The following GRIN2D variants were observed in gnomAD, a reference collection of about 807,000 sequenced individuals.
The protein encoded by GRIN2D is glutamate ionotropic receptor NMDA type subunit 2D.
A neutral mutation model predicts 103.2 loss-of-function variants in GRIN2D; 37 were observed. The ratio of observed to expected loss-of-function variants is 0.36; its 90% CI spans 0.28 to 0.47. GRIN2D has a LOEUF of 0.47. Ranked by LOEUF, GRIN2D falls within the 20% of genes least tolerant of loss-of-function variation. The pLI is 1.00. For synonymous variants in GRIN2D, 845 were observed against 885.6 expected, an observed-to-expected ratio of 0.95 and a Z score of 0.81; for missense variants, 1,557 against 1,910.6, an observed-to-expected ratio of 0.81 and a Z score of 3.45.
chr19:48,420,456 C>T (rs918189408), intron 10 of GRIN2D, among the ~76,000 whole-genome samples: 1 of 152,072 alleles, frequency 6.6e-6, no homozygotes, highest in African/African-American at 2.4e-5. Context: ...TAGTCCATTG[C>T]AGACAATGCT....
At chr19:48,419,866 C>A in intron 10 of GRIN2D, 52 bp downstream of exon 10, 1 of 1,121,304 alleles carries the variant, frequency 8.9e-7, no homozygotes, top group Non-Finnish European at 1.3e-6. Flanking sequence ...CTGGAGGTCA[C>A]AGAGCTTGTC....
intron 3 of GRIN2D, among the ~76,000 whole-genome samples, chr19:48,400,935 G>A (rs536178754): frequency 2.0e-5 from 3 of 151,932 alleles, no homozygotes; most frequent in African/African-American, 7.3e-5. Flanking sequence ...GCATGGTGGC[G>A]CATGCCTGTA....
At chr19:48,413,156 A>G (rs1482346620) in intron 4 of GRIN2D, among the ~76,000 whole-genome samples, 1 of 144,382 alleles carries the variant, frequency 6.9e-6, no homozygotes, top group Non-Finnish European at 1.5e-5. Context: ...AAACAAAAAC[A>G]AACAAAAAAA....
At position 48,443,839 on chromosome 19, in the gene GRIN2D, C is replaced by A; in HGVS notation, c.3913C>A (p.Pro1305Thr). ...RRCPHAAHWGPPLPTASHRRH... is the reference protein window; with the variant it reads ...RRCPHAAHWGTPLPTASHRRH... ...GTGTCCGCACGCCGCGCACTGGGGGCCGCCGCTGCCCACAGCTTCCCACCG... is the reference window on the plus strand; with the variant it reads ...GTGTCCGCACGCCGCGCACTGGGGGACGCCGCTGCCCACAGCTTCCCACCG... Residue 1305 changes from proline (P) to threonine (T), a missense_variant, in exon 14 of 14, where the codon CCG becomes ACG. Physicochemically the swap from Pro to Thr is conservative, Grantham distance 38. This residue lies in a region of GRIN2D where 88 missense variants were observed against 84.3 expected (regional missense o/e 1.04). Coordinates refer to ENST00000263269, the MANE Select transcript of GRIN2D (RefSeq NM_000836.4). The surrounding 1 kb of genome is among the most constrained non-coding windows in gnomAD (Gnocchi z 8.9). 1 of 1,484,450 alleles carries A rather than the reference C, an allele frequency of 6.7e-7. No homozygotes were observed. The highest frequency in any genetic ancestry group is 8.9e-7 in the Non-Finnish European group (1 of 1,125,622). 92.0% of individuals were successfully genotyped at this position (1,484,450 alleles called of 1,614,324 possible). A position where few individuals can be genotyped will look rare whatever the true frequency, so the allele number is the denominator to read the frequency against.
intron 11 of GRIN2D, among the ~76,000 whole-genome samples, chr19:48,428,454 G>A (rs4802476): frequency 0.12 from 18,422 of 148,840 alleles, 1,384 homozygotes; most frequent in Admixed American, 0.22. Flanking sequence ...TCCACCTCCC[G>A]GGTTCCAGTG....
At position 48,422,219 on chromosome 19, in the gene GRIN2D, T is replaced by C. The variant is rs974128849; in HGVS notation, c.2252+274T>C. On this transcript the variant is annotated intron_variant, in intron 11 of 13. Coordinates refer to ENST00000263269, the MANE Select transcript of GRIN2D (RefSeq NM_000836.4). ...CTTCCCCTTCTTGGCTTTGTGACCT[T>C]GGGCAAGTTACTCAGCCTCTCTGAA... Among the ~76,000 whole-genome samples, 7 of 152,314 alleles carry C rather than the reference T, an allele frequency of 4.6e-5. No homozygotes were observed. The South Asian group carries it at 6.2e-4, about 14-fold the overall frequency.
chr19:48,412,505 A>G (rs965753444), intron 4 of GRIN2D, among the ~76,000 whole-genome samples: 1 of 151,708 alleles, frequency 6.6e-6, no homozygotes, highest in Non-Finnish European at 1.5e-5. Context: ...GAGGCGGGCC[A>G]GGCCAGGCGC....
Position 48,419,781 on chromosome 19 carries a change from C to T in GRIN2D, c.2058C>T (p.Tyr686=). Residue 686 remains tyrosine (Y), a synonymous_variant, in exon 10 of 14, where the codon TAC becomes TAT. Transcript: ENST00000263269. ...CCGCCTTCATGATCCAGGAGGAGTA[C>T]GTGGATACTGTGTCTGGGCTCAGTG... is the stretch of plus-strand genomic sequence containing the variant. The part of the protein sequence containing the change: ...NLAAFMIQEE[Y]VDTVSGLSDR... The T allele has an allele frequency of 6.2e-7, 1 of 1,613,412 alleles. No individual in the cohort carries two copies. The highest frequency in any genetic ancestry group is 8.5e-7 in the Non-Finnish European group (1 of 1,179,834).
intron 7 of GRIN2D, among the ~76,000 whole-genome samples, chr19:48,415,554 T>A (rs1286461637): frequency 9.1e-6 from 1 of 109,312 alleles, no homozygotes; most frequent in Non-Finnish European, 1.9e-5. Flanking sequence ...GAGGCGGGGC[T>A]AGGAGGGTGG....
chr19:48,427,683 T>G (rs1032715076), intron 11 of GRIN2D, among the ~76,000 whole-genome samples: 14 of 151,854 alleles, frequency 9.2e-5, no homozygotes, highest in African/African-American at 3.4e-4. Flanking sequence ...TTCACCATCT[T>G]GGCCAGGTTG....
Position 48,419,324 on chromosome 19 carries a change from C to T in GRIN2D, c.1826C>T (p.Pro609Leu). 1.2e-6 allele frequency: 2 copies of T among 1,608,420 alleles called. No homozygotes were observed. The highest frequency in any genetic ancestry group is 1.7e-6 in the Non-Finnish European group (2 of 1,179,348). ...GTTTTCATCTTCGAGTACCTCAGTC[C>T]TGTTGGTTACAACCGCAGCCTGGCC... ...VTVFIFEYLSPVGYNRSLATG... is the reference protein window; with the variant it reads ...VTVFIFEYLSLVGYNRSLATG... The change falls in exon 9 of 14, where the codon CCT (proline) becomes CTT (leucine). Residue 609 changes from proline (P) to leucine (L), a missense_variant. By Grantham distance (98) the Pro-to-Leu change is moderately conservative (BLOSUM62 -3). This residue lies in a region of GRIN2D where 197 missense variants were observed against 334.1 expected (regional missense o/e 0.59). Coordinates refer to ENST00000263269, the MANE Select transcript of GRIN2D (RefSeq NM_000836.4).
rs1195537565 is a variant in GRIN2D at position 48,443,320 on chromosome 19, T to C, written c.3394T>C (p.Trp1132Arg). Residue 1132 changes from tryptophan to arginine, a missense_variant, in exon 14 of 14, where the codon TGG becomes CGG. Coordinates refer to ENST00000263269, the MANE Select transcript of GRIN2D (RefSeq NM_000836.4). This position sits in a 1 kb window ranked among gnomAD's most constrained non-coding sequence, Gnocchi z 8.9. ...GGASLGGLEP[W>R]WFADFPYPYA... ...CGCGTCGCTGGGCGGCCTGGAGCCC[T>C]GGTGGTTCGCCGACTTCCCTTACCC... 1 of 1,522,494 alleles carries C rather than the reference T, an allele frequency of 6.6e-7. No homozygotes were observed. Among genetic ancestry groups the C allele is most frequent in the South Asian group, 1.2e-5 (1 of 85,170 alleles). The allele number at this position is 1,522,494 out of a possible 1,614,324, so 94.3% of individuals were successfully genotyped here.
In GRIN2D at chr19:48,398,693, C is replaced by A; in HGVS notation, c.301C>A (p.Leu101Met). The change falls in exon 3 of 14, where the codon CTG becomes ATG. Residue 101 changes from leucine to methionine, a missense_variant. Around this residue, in one of 7 missense-constraint regions of GRIN2D, gnomAD observed 490 missense variants for 601.1 expected, o/e 0.82. Transcript: ENST00000263269. ...CGGCTCGGACCCGCGCAGCCTCGTGCTGCAGCTCTGCGACCTGCTGTCGGG... is the reference window on the plus strand; with the variant it reads ...CGGCTCGGACCCGCGCAGCCTCGTGATGCAGCTCTGCGACCTGCTGTCGGG... The part of the protein sequence containing the change: ...LNGSDPRSLV[L>M]QLCDLLSGLR... The A allele has an allele frequency of 6.8e-7, 1 of 1,463,724 alleles. No individual in the cohort carries two copies. Among genetic ancestry groups the A allele is most frequent in the South Asian group, 1.3e-5 (1 of 77,398 alleles). 90.7% of individuals were successfully genotyped at this position (1,463,724 alleles called of 1,614,324 possible).
intron 11 of GRIN2D, among the ~76,000 whole-genome samples, chr19:48,432,979 T>TG (rs1971176963): frequency 6.7e-6 from 1 of 148,678 alleles, no homozygotes; most frequent in African/African-American, 2.5e-5. Context: ...TCAGTAGAGG[T>TG]GGGGTTTCAC....
At position 48,419,286 on chromosome 19, in the gene GRIN2D, G is replaced by A. The variant is rs1243922566; in HGVS notation, c.1788G>A (p.Val596=). 5 of 1,611,296 alleles carry A rather than the reference G, an allele frequency of 3.1e-6. No homozygotes were observed. Among genetic ancestry groups the A allele is most frequent in the Non-Finnish European group, 4.2e-6 (5 of 1,179,638 alleles). ...WVMMFVMCLT[V]VAVTVFIFEY... ...TGATGTTCGTCATGTGCCTCACTGT[G>A]GTCGCCGTCACTGTTTTCATCTTCG... Residue 596 remains valine (V), a synonymous_variant, in exon 9 of 14, where the codon GTG becomes GTA. Transcript: ENST00000263269.
intron 11 of GRIN2D, among the ~76,000 whole-genome samples, chr19:48,435,296 G>GTT (rs766061537): frequency 0.018 from 2,215 of 121,568 alleles, 113 homozygotes; most frequent in African/African-American, 0.038. Context: ...TCAGCCACTT[G>GTT]TTTTTTTTTT....
At chr19:48,441,982 C>T in intron 12 of GRIN2D, 26 bp downstream of exon 12, 1 of 1,587,296 alleles carries the variant, frequency 6.3e-7, no homozygotes, top group South Asian at 1.1e-5. Context: ...GGGATTTCCA[C>T]AGCGGAGAGG....
chr19:48,417,151 G>A (rs1007259176), intron 8 of GRIN2D, among the ~76,000 whole-genome samples: 4 of 152,132 alleles, frequency 2.6e-5, no homozygotes, highest in African/African-American at 9.7e-5. Flanking sequence ...GAGGTGTAAG[G>A]ATGGCTTGAA....
intron 9 of GRIN2D, 22 bp downstream of exon 9, chr19:48,419,381 C>T (rs376114499): frequency 1.9e-6 from 3 of 1,587,538 alleles, no homozygotes; most frequent in Non-Finnish European, 1.7e-6. Context: ...TTCCTCCATC[C>T]CCCGCCTCGG....
Sources: gnomAD v4.1 joint callset for allele counts (sites outside exome capture counted in the v4.1 genomes callset) on GRCh38, gnomAD v4.1.1 for gene constraint, gnomAD v4.1.1 regional missense constraint, Gnocchi (gnomAD v3.1) non-coding constraint, MANE v1.5 for transcripts, NCBI Gene and HGNC (gene_info 2026-07-23, HGNC 2026-07-21) for gene names.